XPNPEP2: variants seen among roughly 807,000 people sequenced by gnomAD.
The protein encoded by XPNPEP2 is xaa-Pro aminopeptidase 2.
XPNPEP2 carries 64 observed loss-of-function variants against 59.8 expected under a neutral mutation model. That is an observed-to-expected ratio of 1.07 (90% CI 0.87 to 1.32). The LOEUF (loss-of-function observed/expected upper bound fraction) is 1.32, where lower values mean the gene tolerates loss of function less well. Ranked by LOEUF, XPNPEP2 falls within the 40% of genes most tolerant of loss-of-function variation. The pLI, the probability that XPNPEP2 is intolerant of heterozygous loss-of-function variation, is 0.00. For synonymous variants in XPNPEP2, 235 were observed against 210.0 expected (o/e 1.12, Z -1.03); for missense variants, 575 against 546.8 (o/e 1.05, Z -0.51).
intron 4 of XPNPEP2, among the ~76,000 whole-genome samples, chrX:129,745,598 G>C (rs1294926693): frequency 8.9e-6 from 1 of 111,892 alleles, no homozygotes; most frequent in Non-Finnish European, 1.9e-5. Context: ...AGAACCCGCT[G>C]ATTCCTTTCA....
chrX:129,765,635 CTTTT>C (rs56014067), intron 19 of XPNPEP2, among the ~76,000 whole-genome samples: 10 of 67,326 alleles, frequency 1.5e-4, no homozygotes, highest in African/African-American at 5.4e-4. Context: ...TTCTTTCTTT[CTTTT>C]TTTTTTTTTT....
At chrX:129,757,091 C>CAT (rs758030059) in intron 14 of XPNPEP2, among the ~76,000 whole-genome samples, 16 of 100,061 alleles carry the variant, frequency 1.6e-4, no homozygotes, top group Middle Eastern at 5.1e-3. Context: ...CACACACACA[C>CAT]ATATATATAT....
chrX:129,742,026 G>T lies in XPNPEP2; in HGVS notation c.50-82G>T. ...CGTTTCAAAGGATGGAGGCCCCGTG[G>T]GGCGGGCTGAGAGGATACTCCTTCC... is the stretch of plus-strand genomic sequence containing the variant. On this transcript the variant is annotated intron_variant, in intron 1 of 20. Transcript: ENST00000371106. 4.2e-6 allele frequency: 4 copies of T among 945,895 alleles called. No homozygotes were observed. The Admixed American group carries it at 9.6e-5, about 23-fold the overall frequency. The allele number at this position is 945,895 out of a possible 1,213,427, so 78.0% of individuals were successfully genotyped here. A position where few individuals can be genotyped will look rare whatever the true frequency, so the allele number is the denominator to read the frequency against.
At chrX:129,750,428 G>A in intron 7 of XPNPEP2, 40 bp from the exon 8 acceptor site, 1 of 1,111,422 alleles carries the variant, frequency 9.0e-7, no homozygotes, top group Non-Finnish European at 1.2e-6. Flanking sequence ...CAAAGGCAAG[G>A]TCTGTCACTT....
chrX:129,742,229 C>T (rs1419303303), intron 2 of XPNPEP2, 48 bp downstream of exon 2: 2 of 706,683 alleles, frequency 2.8e-6, no homozygotes, highest in Non-Finnish European at 4.0e-6. Flanking sequence ...CCCCACGCAC[C>T]CCCCCACCCC....
rs1038661255 is a variant in XPNPEP2, at chrX:129,751,111, C to A, written c.739+542C>A. 1.3e-3 allele frequency among the ~76,000 whole-genome samples: 112 copies of A among 86,749 alleles called. 2 individuals carry two copies. The highest frequency in any genetic ancestry group is 1.6e-3 in the Non-Finnish European group (70 of 42,537). The allele number at this position is 86,749 out of a possible 115,157, so 75.3% of individuals were successfully genotyped here. On this transcript the variant is annotated intron_variant, in intron 8 of 20. Transcript: ENST00000371106. ...AAAGACGCCCACTCCCCCACCCCCC[C>A]CCCCCGGCAAAAAGATTGAGTAACA...
Position 129,768,555 on chromosome X carries a change from C to A in XPNPEP2, c.*70C>A. 1.0e-6 allele frequency: 1 copy of A among 958,566 alleles called. No individual in the cohort carries two copies. Among genetic ancestry groups the A allele is most frequent in the Non-Finnish European group, 1.4e-6 (1 of 726,719 alleles). The allele number at this position is 958,566 out of a possible 1,213,427, so 79.0% of individuals were successfully genotyped here. ...CCCTTGCTTAGCTCCCCTCACCCTG[C>A]ACTGAACATACCCCAAGAGCCCCTG... On this transcript the variant is annotated 3_prime_UTR_variant, in exon 21 of 21. Coordinates refer to ENST00000371106, the MANE Select transcript of XPNPEP2 (RefSeq NM_003399.6).
intron 1 of XPNPEP2, 45 bp downstream of exon 1, chrX:129,739,307 C>T: frequency 8.6e-7 from 1 of 1,165,597 alleles, no homozygotes; most frequent in East Asian, 3.0e-5. Context: ...CTGACCTCTC[C>T]CCTCTGAGCT....
In XPNPEP2 at chrX:129,746,222, C is replaced by T. The variant is rs772201096; in HGVS notation, c.299-14C>T. 4.1e-6 allele frequency: 5 copies of T among 1,206,121 alleles called. No homozygotes were observed. Among genetic ancestry groups the T allele is most frequent in the Non-Finnish European group, 5.6e-6 (5 of 891,521 alleles). ...CCTTCACCCTCACCTGCAAGTTTCT[C>T]TGTTCTGCCCCAGGAACTGCAGTGG... is the stretch of plus-strand genomic sequence containing the variant. On this transcript the variant is annotated splice_polypyrimidine_tract_variant and intron_variant, in intron 4 of 20. Coordinates refer to ENST00000371106, the MANE Select transcript of XPNPEP2 (RefSeq NM_003399.6).
At chrX:129,752,569 G>A (rs1364092978) in intron 10 of XPNPEP2, among the ~76,000 whole-genome samples, 2 of 112,083 alleles carry the variant, frequency 1.8e-5, no homozygotes, top group South Asian at 3.7e-4. Context: ...GAGAGTATAC[G>A]GCCTGATCTA....
chrX:129,742,595 G>A (rs1473534445), intron 2 of XPNPEP2, among the ~76,000 whole-genome samples: 3 of 111,488 alleles, frequency 2.7e-5, no homozygotes, highest in Non-Finnish European at 3.8e-5. Flanking sequence ...GAGGGAGGAA[G>A]ACAGAGGTTA....
chrX:129,763,047 T>TCAATGCA (rs1367859777), intron 19 of XPNPEP2, among the ~76,000 whole-genome samples: 1 of 111,880 alleles, frequency 8.9e-6, no homozygotes, highest in Non-Finnish European at 1.9e-5. Context: ...TCATTGGTTC[T>TCAATGCA]CAATGCACAT....
Position 129,746,333 on chromosome X carries a change from T to C in XPNPEP2, c.396T>C (p.His132=). Residue 132 remains histidine, a synonymous_variant, in exon 5 of 21, where the codon CAT becomes CAC. Transcript: ENST00000371106. Reference sequence around the variant, plus strand: ...AGATGGACTGCAACTGGGAGCTCCATAAGGAAGGTAGAAGGGCCGCATGGA... The same window carrying C: ...AGATGGACTGCAACTGGGAGCTCCACAAGGAAGGTAGAAGGGCCGCATGGA... The part of the protein sequence containing the change: ...ERQMDCNWEL[H]KEVGTTPIVT... 8.3e-7 allele frequency: 1 copy of C among 1,207,606 alleles called. No homozygotes were observed. Among genetic ancestry groups the C allele is most frequent in the Non-Finnish European group, 1.1e-6 (1 of 893,715 alleles).
chrX:129,767,645 C>G lies in XPNPEP2; in HGVS notation c.1783C>G (p.Pro595Ala). The change falls in exon 20 of 21, where the codon CCC becomes GCC. Residue 595 changes from proline (P) to alanine (A), a missense_variant. Physicochemically the swap from Pro to Ala is conservative, Grantham distance 27 (BLOSUM62 -1). Coordinates refer to ENST00000371106, the MANE Select transcript of XPNPEP2 (RefSeq NM_003399.6). ...YLTFEVVSFV[P>A]YDRNLIDVSL... ...GACCTTTGAAGTGGTATCATTTGTGCCCTATGACCGGAACCTCATCGATGT... is the reference window on the plus strand; with the variant it reads ...GACCTTTGAAGTGGTATCATTTGTGGCCTATGACCGGAACCTCATCGATGT... The G allele has an allele frequency of 8.3e-7, 1 of 1,211,736 alleles. No individual in the cohort carries two copies. Among genetic ancestry groups the G allele is most frequent in the Non-Finnish European group, 1.1e-6 (1 of 895,468 alleles).
rs749022890 is a variant in XPNPEP2 at position 129,742,141 on chromosome X, TTGGAGGGCAGGA to T, written c.86_97del (p.Gly29_Asp32del). On this transcript the variant is annotated inframe_deletion, in exon 2 of 21. Transcript: ENST00000371106. ...TGGGGCCACACAAAGCCAGTGGACC[TTGGAGGGCAGGA>T]TGTGAGAAACTGTTCCACCAACCCC... 7.5e-6 allele frequency: 9 copies of T among 1,207,461 alleles called. No homozygotes were observed. The African/African-American group carries it at 1.2e-4, about 17-fold the overall frequency.
intron 10 of XPNPEP2, 91 bp from the exon 11 acceptor site, chrX:129,753,068 C>G: frequency 1.3e-6 from 1 of 767,349 alleles, no homozygotes; most frequent in Non-Finnish European, 2.0e-6. Context: ...TGCCAGTCCT[C>G]TGAAAACACC....
intron 12 of XPNPEP2, among the ~76,000 whole-genome samples, 191 bp downstream of exon 12, chrX:129,754,772 G>T (rs777870110): frequency 9.0e-6 from 1 of 110,890 alleles, no homozygotes. Flanking sequence ...GGGGGCGTTG[G>T]ATGATATTTC....
intron 17 of XPNPEP2, 23 bp from the exon 18 acceptor site, chrX:129,761,983 C>T (rs748805065): frequency 2.5e-6 from 3 of 1,209,073 alleles, no homozygotes; most frequent in South Asian, 1.8e-5. Flanking sequence ...GAACTGATAC[C>T]ATGTTTATGT....
chrX:129,754,884 C>A (rs1363290342), intron 12 of XPNPEP2, among the ~76,000 whole-genome samples: 1 of 111,389 alleles, frequency 9.0e-6, no homozygotes, highest in Non-Finnish European at 1.9e-5. Context: ...GGTGCTGTGG[C>A]TCAGACCAGG....
Sources: gnomAD v4.1 joint callset for allele counts (sites outside exome capture counted in the v4.1 genomes callset) on GRCh38, gnomAD v4.1.1 for gene constraint, MANE v1.5 for transcripts, NCBI Gene and HGNC (gene_info 2026-07-23, HGNC 2026-07-21) for gene names.